The following AHCTF1 variants were observed in gnomAD, a reference collection of about 807,000 sequenced individuals.
AHCTF1 encodes the protein protein ELYS.
A neutral mutation model predicts 248.4 loss-of-function variants in AHCTF1; 24 were observed. The ratio of observed to expected loss-of-function variants is 0.10; its 90% confidence interval spans 0.07 to 0.14. AHCTF1 has a LOEUF of 0.14. Ranked by LOEUF, AHCTF1 falls within the 10% of genes least tolerant of loss-of-function variation. The probability of loss-of-function intolerance (pLI) is 1.00; values close to 1 mark genes in which losing one functional copy is unlikely to be tolerated. For missense variants in AHCTF1, 2,206 were observed against 2,636.2 expected (o/e 0.84, Z 3.57); for synonymous variants, 786 against 929.8 (o/e 0.85, Z 2.81).
At chr1:246,926,290 TAATTCAA>T (rs548273195) in intron 1 of AHCTF1, among the ~76,000 whole-genome samples, 10 of 152,198 alleles carry the variant, frequency 6.6e-5, no homozygotes, top group Non-Finnish European at 1.5e-4. Context: ...AACGTATTTC[TAATTCAA>T]ACTTTGAATC....
rs987517764 is a variant in AHCTF1, at chr1:246,874,293, A to G, written c.3088+1744T>C. Among the ~76,000 whole-genome samples the G allele has an allele frequency of 3.3e-5, 5 of 152,242 alleles. 1 individual carries two copies. Among genetic ancestry groups the G allele is most frequent in the African/African-American group, 4.8e-5 (2 of 41,546 alleles). ...TAAAGATGACACCTAAAGCCAAATA[A>G]CATTAACTATTAAATGTCTCTATCT... is the stretch of plus-strand genomic sequence containing the variant. On this transcript the variant is annotated intron_variant, in intron 24 of 35. Coordinates refer to ENST00000648844, the MANE Select transcript of AHCTF1 (RefSeq NM_001323342.2).
Position 246,895,942 on chromosome 1 carries a change from A to C in AHCTF1, c.1624-17T>G. 1.3e-6 allele frequency: 2 copies of C among 1,591,750 alleles called. No individual in the cohort carries two copies. Among genetic ancestry groups the C allele is most frequent in the Non-Finnish European group, 1.7e-6 (2 of 1,166,454 alleles). On this transcript the variant is annotated splice_polypyrimidine_tract_variant and intron_variant, in intron 12 of 35. Transcript: ENST00000648844. ...CTGTTCTTCCTAAACCATGCATTAC[A>C]GAAAGGAAAGAAATGGAAAGAAAGA...
At chr1:246,916,934 A>G (rs1034853702) in intron 2 of AHCTF1, among the ~76,000 whole-genome samples, 1 of 152,244 alleles carries the variant, frequency 6.6e-6, no homozygotes, top group African/African-American at 2.4e-5. Flanking sequence ...AAGAGTTCAC[A>G]GTCCAATTAA....
At chr1:246,864,501 C>T (rs146669369) in intron 26 of AHCTF1, among the ~76,000 whole-genome samples, 93 of 152,200 alleles carry the variant, frequency 6.1e-4, no homozygotes, top group African/African-American at 2.1e-3. Flanking sequence ...CATTAACATG[C>T]AAAATATCCA....
intron 4 of AHCTF1, 114 bp from the exon 5 acceptor site, chr1:246,907,872 T>C (rs965553971): frequency 1.0e-5 from 9 of 891,712 alleles, no homozygotes; most frequent in Non-Finnish European, 6.7e-6. Context: ...ATGAAGTTAA[T>C]TGAAATTAAA....
chr1:246,864,211 G>C (rs535972925), intron 26 of AHCTF1, 95 bp from the exon 27 acceptor site: 5 of 1,202,942 alleles, frequency 4.2e-6, no homozygotes, highest in Non-Finnish European at 5.8e-6. Flanking sequence ...TGGTAACTAT[G>C]ATAGCCACAT....
chr1:246,866,993 A>G (rs1187353950), intron 26 of AHCTF1, among the ~76,000 whole-genome samples: 3 of 152,194 alleles, frequency 2.0e-5, no homozygotes, highest in Non-Finnish European at 2.9e-5. Context: ...GTAAGTTAAT[A>G]GTTTGCTCAT....
At chr1:246,858,439 G>A (rs1661268400) in intron 29 of AHCTF1, among the ~76,000 whole-genome samples, 1 of 152,150 alleles carries the variant, frequency 6.6e-6, no homozygotes, top group Non-Finnish European at 1.5e-5. Context: ...GCGTATCCCA[G>A]CTCATGACGC....
In AHCTF1 at chr1:246,860,960, C is replaced by T. The variant is rs148778024; in HGVS notation, c.4071G>A (p.Lys1357=). The T allele has an allele frequency of 2.5e-6, 4 of 1,613,550 alleles. No individual in the cohort carries two copies. The change falls in exon 29 of 36, where the codon AAG becomes AAA. Residue 1357 remains lysine, a synonymous_variant. Transcript: ENST00000648844. ...ATGCAAATACATCTTTATCTCCATC[C>T]TTTTCAGTTTGTTCAGTTACATTAG... ...LTTNVTEQTE[K]DGDKDVFASE...
intron 26 of AHCTF1, among the ~76,000 whole-genome samples, chr1:246,866,900 A>G (rs1309812315): frequency 6.6e-6 from 1 of 152,188 alleles, no homozygotes; most frequent in Non-Finnish European, 1.5e-5. Context: ...GAAAGCTTCA[A>G]TGAGCTACCC....
At position 246,843,823 on chromosome 1, in the gene AHCTF1, G is replaced by A. The variant is rs1434652508; in HGVS notation, c.6497C>T (p.Ser2166Phe). Reference protein sequence around the residue: ...PALRSRQKNTSNKNKLEDELK... With the variant: ...PALRSRQKNTFNKNKLEDELK... ...TTCATCTTCAAGCTTGTTCTTATTGGATGTGTTTTTTTGTCTGCTCCTTAA... is the reference window on the plus strand; with the variant it reads ...TTCATCTTCAAGCTTGTTCTTATTGAATGTGTTTTTTTGTCTGCTCCTTAA... The change falls in exon 34 of 36, where the codon TCC (serine) becomes TTC (phenylalanine). Residue 2166 changes from serine to phenylalanine, a missense_variant. Physicochemically the swap from Ser to Phe is radical, Grantham distance 155 (BLOSUM62 -2). Around this residue, in one of 6 missense-constraint regions of AHCTF1, gnomAD observed 469 missense variants for 470.0 expected, o/e 1.00. Transcript: ENST00000648844. The A allele has an allele frequency of 1.4e-6, 2 of 1,477,916 alleles. No homozygotes were observed. Among genetic ancestry groups the A allele is most frequent in the African/African-American group, 1.4e-5 (1 of 69,818 alleles). The allele number at this position is 1,477,916 out of a possible 1,614,324, so 91.6% of individuals were successfully genotyped here.
At chr1:246,853,458 C>A (rs1660869711) in intron 31 of AHCTF1, among the ~76,000 whole-genome samples, 159 bp from the exon 32 acceptor site, 1 of 152,176 alleles carries the variant, frequency 6.6e-6, no homozygotes, top group Non-Finnish European at 1.5e-5. Context: ...CAATACACAC[C>A]TTTCCACAGA....
rs1205971812 is a variant in AHCTF1 at position 246,861,302 on chromosome 1, AG to A, written c.3736-8del. On this transcript the variant is annotated splice_polypyrimidine_tract_variant and splice_region_variant and intron_variant, in intron 28 of 35. Transcript: ENST00000648844. ...ATTTGCTATCATCTGCAGCCTGTAAAGTAAGATTTTGAAAAGAAAAAAATTA... is the reference window on the plus strand; with the variant it reads ...ATTTGCTATCATCTGCAGCCTGTAAATAAGATTTTGAAAAGAAAAAAATTA... 1.3e-6 allele frequency: 2 copies of A among 1,593,376 alleles called. No homozygotes were observed. Among genetic ancestry groups the A allele is most frequent in the East Asian group, 4.5e-5 (2 of 44,644 alleles).
chr1:246,865,843 T>G (rs528478549), intron 26 of AHCTF1, among the ~76,000 whole-genome samples: 8 of 152,306 alleles, frequency 5.3e-5, no homozygotes, highest in Admixed American at 5.2e-4. Context: ...AGACCAAATA[T>G]TCTTTCAGAA....
intron 33 of AHCTF1, among the ~76,000 whole-genome samples, chr1:246,847,103 A>G (rs1382179420): frequency 1.3e-5 from 2 of 152,170 alleles, no homozygotes; most frequent in Non-Finnish European, 2.9e-5. Context: ...CTTGGCCAAC[A>G]TGGCGAAACC....
chr1:246,898,197 A>G lies in AHCTF1; in HGVS notation c.1623+11T>C. The G allele has an allele frequency of 6.2e-7, 1 of 1,611,710 alleles. No homozygotes were observed. Among genetic ancestry groups the G allele is most frequent in the Non-Finnish European group, 8.5e-7 (1 of 1,179,832 alleles). On this transcript the variant is annotated intron_variant, in intron 12 of 35. Transcript: ENST00000648844. ...AACCAAAAGAAACAATAGAGTTAAAAATCATCTCACTTGGCTTAAACTGGA... is the reference window on the plus strand; with the variant it reads ...AACCAAAAGAAACAATAGAGTTAAAGATCATCTCACTTGGCTTAAACTGGA...
At position 246,885,700 on chromosome 1, in the gene AHCTF1, T is replaced by C. The variant is rs777199000; in HGVS notation, c.2473-20A>G. 1.9e-6 allele frequency: 3 copies of C among 1,588,442 alleles called. No individual in the cohort carries two copies. Among genetic ancestry groups the C allele is most frequent in the Non-Finnish European group, 8.6e-7 (1 of 1,165,812 alleles). On this transcript the variant is annotated intron_variant, in intron 20 of 35. Transcript: ENST00000648844. ...ACCACTCTGGAAATAACATGAAAAA[T>C]GTTAAATATAAATATAATCCTATAC...
At chr1:246,862,228 C>T in intron 27 of AHCTF1, 75 bp from the exon 28 acceptor site, 1 of 1,157,898 alleles carries the variant, frequency 8.6e-7, no homozygotes, top group South Asian at 1.8e-5. Flanking sequence ...CGCCTGTAAT[C>T]CCTGCACTTT....
At chr1:246,841,043 TATAAA>T (rs754436495) in intron 35 of AHCTF1, 45 bp from the exon 36 acceptor site, 26 of 1,511,058 alleles carry the variant, frequency 1.7e-5, no homozygotes, top group East Asian at 1.7e-4. Context: ...CACATTATGC[TATAAA>T]ATAAAATTGG....
Sources: allele counts gnomAD v4.1 joint callset (sites outside exome capture counted in the v4.1 genomes callset), GRCh38; gene constraint gnomAD v4.1.1; regional missense constraint gnomAD v4.1.1; transcripts MANE v1.5; gene names NCBI Gene and HGNC (gene_info 2026-07-23, HGNC 2026-07-21).